Variants in CWF19L2 observed in about 807,000 individuals in gnomAD.
The protein encoded by CWF19L2 is CWF19 like cell cycle control factor 2.
A neutral mutation model predicts 111.7 loss-of-function variants in CWF19L2; 98 were observed. The observed-to-expected ratio is 0.88, with a 90% CI of 0.75 to 1.04. The LOEUF (loss-of-function observed/expected upper bound fraction) is 1.04. Among genes scored for constraint, CWF19L2 ranks in the 50% least tolerant of loss-of-function variants. The probability of loss-of-function intolerance (pLI) is 0.00; values close to 1 mark genes in which losing one functional copy is unlikely to be tolerated. For synonymous variants in CWF19L2, 351 were observed against 342.9 expected, an observed-to-expected ratio of 1.02 and a Z score of -0.26; for missense variants, 1,101 against 1,051.4, an observed-to-expected ratio of 1.05 and a Z score of -0.65.
Position 107,439,025 on chromosome 11 carries a change from ACT to A in CWF19L2, c.664+63_664+64del, listed in dbSNP as rs1188385829. ...TGCACTCCCTGGCTGACAGAGCGAGACTCTGTCTCGAAAAAAAAAAAAAAAAA... is the reference window on the plus strand; with the variant it reads ...TGCACTCCCTGGCTGACAGAGCGAGACTGTCTCGAAAAAAAAAAAAAAAAA... On this transcript the variant is annotated intron_variant, in intron 6 of 17. Coordinates refer to ENST00000282251, the MANE Select transcript of CWF19L2 (RefSeq NM_152434.3). The A allele has an allele frequency of 1.7e-5, 12 of 707,940 alleles. No homozygotes were observed. In the African/African-American group the frequency reaches 3.1e-4, roughly 18 times the overall value. 43.9% of individuals were successfully genotyped at this position (707,940 alleles called of 1,614,324 possible).
chr11:107,362,310 G>A (rs541943085), intron 12 of CWF19L2, among the ~76,000 whole-genome samples: 2 of 152,024 alleles, frequency 1.3e-5, no homozygotes, highest in East Asian at 2.0e-4. Context: ...CTCGAACTGG[G>A]TGGAGCCCAC....
chr11:107,439,126 G>T lies in CWF19L2; in HGVS notation c.628C>A (p.Pro210Thr), dbSNP rs608634. The change falls in exon 6 of 18, where the codon CCA becomes ACA. Residue 210 changes from proline (P) to threonine (T), a missense_variant. By Grantham distance (38) the Pro-to-Thr change is conservative (BLOSUM62 -1). Transcript: ENST00000282251. ...GATGACACACTACAGTCTTCAGGTG[G>T]AAGACCTGTCCCACCATCCTTCCAG... ...PYWKDGGTGL[P>T]PEDCSVSSIT... 1,628 of 1,608,396 alleles carry T rather than the reference G, an allele frequency of 1.0e-3. 19 individuals carry two copies. In the African/African-American group the frequency reaches 0.019, roughly 19 times the overall value.
At chr11:107,425,205 C>CAG in intron 8 of CWF19L2, among the ~76,000 whole-genome samples, 1 of 149,886 alleles carries the variant, frequency 6.7e-6, no homozygotes, top group Non-Finnish European at 1.5e-5. Context: ...CACACACACA[C>CAG]ACACACACAC....
intron 3 of CWF19L2, among the ~76,000 whole-genome samples, chr11:107,452,551 G>A (rs1002376358): frequency 6.6e-6 from 1 of 152,110 alleles, no homozygotes; most frequent in African/African-American, 2.4e-5. Context: ...CCTTCCAATA[G>A]GGAAAATTCA....
chr11:107,430,420 A>G (rs1224635724), intron 7 of CWF19L2, among the ~76,000 whole-genome samples: 3 of 152,210 alleles, frequency 2.0e-5, no homozygotes, highest in Non-Finnish European at 4.4e-5. Flanking sequence ...AATTCAATTC[A>G]CAGTCAAATT....
chr11:107,445,429 C>A (rs1349762365), intron 3 of CWF19L2, among the ~76,000 whole-genome samples: 1 of 152,086 alleles, frequency 6.6e-6, no homozygotes, highest in Non-Finnish European at 1.5e-5. Context: ...GATGGTGAAA[C>A]CCCATCTCTA....
chr11:107,443,899 C>G (rs73549874), intron 3 of CWF19L2, among the ~76,000 whole-genome samples: 12,227 of 152,212 alleles, frequency 0.08, 817 homozygotes, highest in African/African-American at 0.17. Context: ...TATCCTCCTA[C>G]CCACCGCCCA....
At chr11:107,335,651 T>C (rs1385188944) in intron 15 of CWF19L2, among the ~76,000 whole-genome samples, 2 of 152,142 alleles carry the variant, frequency 1.3e-5, no homozygotes, top group Non-Finnish European at 2.9e-5. Context: ...TACATAGAAA[T>C]GGAGTAAGAC....
rs2134567866 is a variant in CWF19L2, at chr11:107,368,865, C to G, written c.1873-15129G>C. On this transcript the variant is annotated intron_variant, in intron 12 of 17. Transcript: ENST00000282251. ...ACTGTGATAATAATGTATTTTAATT[C>G]AAGAATGGTGCTTCAAAATGCCAGG... 1.5e-5 allele frequency among the ~76,000 whole-genome samples: 2 copies of G among 137,512 alleles called. 1 individual carries two copies. Among genetic ancestry groups the G allele is most frequent in the East Asian group, 4.2e-4 (2 of 4,764 alleles). 90.2% of individuals were successfully genotyped at this position (137,512 alleles called of 152,430 possible).
chr11:107,442,808 GA>G, intron 4 of CWF19L2, 130 bp downstream of exon 4: 4 of 398,694 alleles, frequency 1.0e-5, no homozygotes, highest in African/African-American at 3.5e-5. Flanking sequence ...GGGAGGGAGG[GA>G]GGGAGGGAGG....
intron 10 of CWF19L2, among the ~76,000 whole-genome samples, chr11:107,411,770 C>G (rs1365616450): frequency 6.6e-6 from 1 of 152,050 alleles, no homozygotes; most frequent in Non-Finnish European, 1.5e-5. Context: ...ATCAAAAACA[C>G]TGGTTTTTCT....
intron 12 of CWF19L2, among the ~76,000 whole-genome samples, chr11:107,356,384 T>C (rs1398813750): frequency 2.0e-5 from 3 of 152,180 alleles, no homozygotes; most frequent in African/African-American, 7.2e-5. Flanking sequence ...TTTAACACCA[T>C]TACTGAAAGA....
intron 5 of CWF19L2, among the ~76,000 whole-genome samples, chr11:107,440,034 G>A (rs902240899): frequency 6.6e-6 from 1 of 152,170 alleles, no homozygotes; most frequent in African/African-American, 2.4e-5. Flanking sequence ...TAAGCACGAT[G>A]CCAGGCACTG....
At chr11:107,428,159 G>C (rs1268441264) in intron 8 of CWF19L2, among the ~76,000 whole-genome samples, 1 of 151,828 alleles carries the variant, frequency 6.6e-6, no homozygotes, top group South Asian at 2.1e-4. Context: ...AATTTTCTTA[G>C]GTTTAGTCCC....
intron 9 of CWF19L2, among the ~76,000 whole-genome samples, chr11:107,417,094 T>C (rs1384568856): frequency 6.6e-6 from 1 of 152,180 alleles, no homozygotes; most frequent in Non-Finnish European, 1.5e-5. Flanking sequence ...AAATATCTTG[T>C]TTGGTTACCA....
chr11:107,359,919 T>C (rs750220137), intron 12 of CWF19L2, among the ~76,000 whole-genome samples: 13 of 152,124 alleles, frequency 8.5e-5, no homozygotes, highest in Non-Finnish European at 1.9e-4. Flanking sequence ...CAAGGGCAAA[T>C]TGGATTGGAC....
At chr11:107,389,746 G>T (rs968156444) in intron 12 of CWF19L2, among the ~76,000 whole-genome samples, 1 of 151,990 alleles carries the variant, frequency 6.6e-6, no homozygotes, top group African/African-American at 2.4e-5. Flanking sequence ...AAGACGGAGT[G>T]GTAACCTAAC....
At chr11:107,336,090 G>A (rs909503446) in intron 15 of CWF19L2, among the ~76,000 whole-genome samples, 2 of 152,142 alleles carry the variant, frequency 1.3e-5, no homozygotes, top group African/African-American at 4.8e-5. Flanking sequence ...GCGTAGTGGT[G>A]CATGCCTGTA....
intron 10 of CWF19L2, among the ~76,000 whole-genome samples, chr11:107,411,089 G>GCGCACACA (rs1491125517): frequency 3.4e-5 from 5 of 148,794 alleles, no homozygotes; most frequent in African/African-American, 7.4e-5. Context: ...GCGCGTGCGT[G>GCGCACACA]CACACACACA....
Sources: gnomAD v4.1 joint callset for allele counts (sites outside exome capture counted in the v4.1 genomes callset) on GRCh38, gnomAD v4.1.1 for gene constraint, MANE v1.5 for transcripts, NCBI Gene and HGNC (gene_info 2026-07-23, HGNC 2026-07-21) for gene names.